Variants in CHIC1 observed in about 807,000 individuals in gnomAD.
CHIC1 encodes the protein cysteine rich hydrophobic domain 1, also known as cysteine-rich hydrophobic domain-containing protein 1.
Under a neutral mutation model 18.5 loss-of-function variants are expected in CHIC1, and 7 were observed. That is an observed-to-expected ratio of 0.38 (90% CI 0.22 to 0.71). The LOEUF is 0.71. CHIC1 is among the 30% of genes least tolerant of loss of function. The probability of loss-of-function intolerance (pLI) is 0.49; values close to 1 mark genes in which losing one functional copy is unlikely to be tolerated. For missense variants in CHIC1, 159 were observed against 176.9 expected (o/e 0.90, Z 0.57); for synonymous variants, 77 against 73.5 (o/e 1.05, Z -0.25).
intron 1 of CHIC1, among the ~76,000 whole-genome samples, chrX:73,576,605 C>A (rs1838191768): frequency 9.0e-6 from 1 of 110,584 alleles, no homozygotes; most frequent in African/African-American, 3.3e-5. Flanking sequence ...TTATTGCCCA[C>A]CTCATATGGA....
chrX:73,628,715 G>A (rs1199778581), intron 3 of CHIC1, among the ~76,000 whole-genome samples: 1 of 111,128 alleles, frequency 9.0e-6, no homozygotes, highest in Non-Finnish European at 1.9e-5. Flanking sequence ...TCTCTTCAGT[G>A]CCTCTTTCAG....
At position 73,577,410 on chromosome X, in the gene CHIC1, T is replaced by C. The variant is rs1261882706; in HGVS notation, c.300T>C (p.Phe100=). 5 of 1,192,199 alleles carry C rather than the reference T, an allele frequency of 4.2e-6. No individual in the cohort carries two copies. Among genetic ancestry groups the C allele is most frequent in the African/African-American group, 1.8e-5 (1 of 56,581 alleles). Residue 100 remains phenylalanine, a synonymous_variant, in exon 2 of 6, where the codon TTT becomes TTC. Coordinates refer to ENST00000373502, the MANE Select transcript of CHIC1 (RefSeq NM_001039840.4). ...LVRGAGHITV[F]GLSNKFDTEF... ...TTGTTCTGTGTTTGTTTTGAAGGTT[T>C]GGCTTGAGCAACAAGTTTGATACTG...
chrX:73,665,019 T>C (rs1311645871), intron 3 of CHIC1, among the ~76,000 whole-genome samples: 1 of 112,281 alleles, frequency 8.9e-6, no homozygotes, highest in Non-Finnish European at 1.9e-5. Flanking sequence ...TTATAAACGT[T>C]AAAAGAAATG....
intron 1 of CHIC1, among the ~76,000 whole-genome samples, chrX:73,574,246 TTG>T (rs2057485458): frequency 1.8e-5 from 2 of 111,192 alleles, no homozygotes; most frequent in Non-Finnish European, 3.8e-5. Context: ...TTTGTGTATG[TTG>T]AACCAACCTT....
chrX:73,666,895 T>C (rs2058006924), intron 3 of CHIC1, among the ~76,000 whole-genome samples: 1 of 111,839 alleles, frequency 8.9e-6, no homozygotes, highest in Admixed American at 9.5e-5. Context: ...TGAGTTTAAG[T>C]CCTGAATATC....
At chrX:73,612,034 A>G (rs1436216801) in intron 3 of CHIC1, among the ~76,000 whole-genome samples, 1 of 108,499 alleles carries the variant, frequency 9.2e-6, no homozygotes. Flanking sequence ...ATTAGATCCC[A>G]TTTGTCAATT....
intron 3 of CHIC1, among the ~76,000 whole-genome samples, chrX:73,604,702 G>T (rs1159392387): frequency 9.2e-6 from 1 of 108,827 alleles, no homozygotes; most frequent in Non-Finnish European, 1.9e-5. Flanking sequence ...CTGGTATGTT[G>T]TGTCTTTGTT....
chrX:73,670,413 GTC>G (rs1351291227), intron 3 of CHIC1, among the ~76,000 whole-genome samples: 3 of 110,601 alleles, frequency 2.7e-5, no homozygotes, highest in South Asian at 7.7e-4. Flanking sequence ...CTGATGGTTT[GTC>G]TACTTTATCT....
chrX:73,629,150 AT>A (rs770593657), intron 3 of CHIC1, among the ~76,000 whole-genome samples: 6 of 108,686 alleles, frequency 5.5e-5, no homozygotes, highest in Admixed American at 9.8e-5. Context: ...TTTAATCAGG[AT>A]TTTTTTTTCT....
chrX:73,677,816 G>A (rs990350151), intron 3 of CHIC1, among the ~76,000 whole-genome samples: 3 of 112,141 alleles, frequency 2.7e-5, no homozygotes, highest in South Asian at 3.7e-4. Context: ...GAAATCACCC[G>A]TCTTCTGCGT....
chrX:73,609,851 G>C (rs770564018), intron 3 of CHIC1, among the ~76,000 whole-genome samples: 1 of 108,886 alleles, frequency 9.2e-6, no homozygotes, highest in East Asian at 2.8e-4. Flanking sequence ...ATAATACATT[G>C]TAATTAACTA....
intron 3 of CHIC1, among the ~76,000 whole-genome samples, chrX:73,659,947 G>T (rs183630331): frequency 9.0e-6 from 1 of 111,585 alleles, no homozygotes; most frequent in Admixed American, 9.5e-5. Context: ...CATGATAGAC[G>T]CGGACATCAG....
At chrX:73,617,834 A>G (rs1293935014) in intron 3 of CHIC1, among the ~76,000 whole-genome samples, 1 of 111,792 alleles carries the variant, frequency 8.9e-6, no homozygotes, top group African/African-American at 3.3e-5. Flanking sequence ...CAGCCAAACC[A>G]TATCAGAGTG....
At chrX:73,576,382 A>AT (rs2057499349) in intron 1 of CHIC1, among the ~76,000 whole-genome samples, 1 of 110,644 alleles carries the variant, frequency 9.0e-6, no homozygotes, top group Non-Finnish European at 1.9e-5. Context: ...TGTGTAATGC[A>AT]TTGTACTACG....
chrX:73,654,357 G>A (rs867125445), intron 3 of CHIC1, among the ~76,000 whole-genome samples: 10 of 111,304 alleles, frequency 9.0e-5, no homozygotes, highest in African/African-American at 1.6e-4. Flanking sequence ...TGTATGTTGC[G>A]CTATCCTTAC....
intron 3 of CHIC1, among the ~76,000 whole-genome samples, chrX:73,661,516 A>G (rs999041575): frequency 3.6e-5 from 4 of 111,879 alleles, no homozygotes; most frequent in Non-Finnish European, 5.6e-5. Flanking sequence ...TGATCAAACA[A>G]TGATGTCATA....
chrX:73,569,456 A>T (rs1440784250), intron 1 of CHIC1, among the ~76,000 whole-genome samples: 1 of 111,473 alleles, frequency 9.0e-6, no homozygotes, highest in African/African-American at 3.3e-5. Context: ...GAGAACTACC[A>T]GCTGGGTCGG....
intron 1 of CHIC1, among the ~76,000 whole-genome samples, chrX:73,568,220 TGAAAGCTTTGTTA>T (rs1168481826): frequency 8.9e-6 from 1 of 111,813 alleles, no homozygotes; most frequent in Non-Finnish European, 1.9e-5. Context: ...AGCTTACCTC[TGAAAGCTTTGTTA>T]AGCTATCCCC....
At chrX:73,616,555 C>T (rs751975048) in intron 3 of CHIC1, among the ~76,000 whole-genome samples, 6 of 112,124 alleles carry the variant, frequency 5.4e-5, no homozygotes, top group South Asian at 3.8e-4. Context: ...GAGAGCCCCA[C>T]CCCTGCAGCA....
Sources: allele counts gnomAD v4.1 joint callset (sites outside exome capture counted in the v4.1 genomes callset), GRCh38; gene constraint gnomAD v4.1.1; transcripts MANE v1.5; gene names NCBI Gene and HGNC (gene_info 2026-07-23, HGNC 2026-07-21).